The following BAZ1A variants were observed in gnomAD, a reference collection of about 807,000 sequenced individuals.
The protein encoded by BAZ1A is bromodomain adjacent to zinc finger domain protein 1A.
In BAZ1A, 50 loss-of-function variants were observed where a neutral mutation model predicts 185.2. The observed-to-expected ratio is 0.27, with a 90% CI of 0.22 to 0.34. BAZ1A has a LOEUF of 0.34. Among genes scored for constraint, BAZ1A ranks in the 10% least tolerant of loss-of-function variants. The pLI is 1.00. For synonymous variants in BAZ1A, 571 were observed against 615.6 expected, an observed-to-expected ratio of 0.93 and a Z score of 1.07; for missense variants, 1,356 against 1,839.9, an observed-to-expected ratio of 0.74 and a Z score of 4.81.
chr14:34,859,942 C>T (rs544940548), intron 3 of BAZ1A, among the ~76,000 whole-genome samples: 2 of 152,258 alleles, frequency 1.3e-5, no homozygotes, highest in South Asian at 4.1e-4. Flanking sequence ...CCCTATGGTA[C>T]TTATAATCTA....
At chr14:34,830,270 T>C (rs1007990292) in intron 3 of BAZ1A, among the ~76,000 whole-genome samples, 4 of 151,896 alleles carry the variant, frequency 2.6e-5, no homozygotes, top group Non-Finnish European at 5.9e-5. Context: ...TAAAATGTGG[T>C]ATATACCATG....
intron 11 of BAZ1A, 38 bp downstream of exon 11, chr14:34,794,711 T>C (rs758094551): frequency 6.4e-7 from 1 of 1,574,214 alleles, no homozygotes; most frequent in Non-Finnish European, 8.6e-7. Context: ...AATTTTAGGA[T>C]GAACTATAAT....
chr14:34,836,407 A>C (rs960534124), intron 3 of BAZ1A, among the ~76,000 whole-genome samples: 2 of 21,544 alleles, frequency 9.3e-5, no homozygotes, highest in African/African-American at 2.2e-4. Context: ...AAAAAAAAAA[A>C]AAAAAAAAAA....
At chr14:34,833,861 A>G (rs2042288851) in intron 3 of BAZ1A, among the ~76,000 whole-genome samples, 1 of 152,094 alleles carries the variant, frequency 6.6e-6, no homozygotes, top group Non-Finnish European at 1.5e-5. Context: ...AATAGTAAAA[A>G]TTTTATGTTT....
intron 5 of BAZ1A, 40 bp downstream of exon 5, chr14:34,810,895 T>C (rs2041919998): frequency 7.2e-7 from 1 of 1,391,748 alleles, no homozygotes; most frequent in African/African-American, 1.4e-5. Context: ...TACATAATTA[T>C]TCTACTTTAA....
intron 24 of BAZ1A, 34 bp from the exon 25 acceptor site, chr14:34,758,880 C>G (rs1283930716): frequency 1.1e-5 from 18 of 1,605,034 alleles, no homozygotes; most frequent in Non-Finnish European, 1.5e-5. Flanking sequence ...TAGGTGATAA[C>G]AAAGCAAAAT....
intron 3 of BAZ1A, among the ~76,000 whole-genome samples, chr14:34,836,173 A>T (rs2042327195): frequency 3.6e-5 from 1 of 27,696 alleles, no homozygotes; most frequent in African/African-American, 9.6e-5. Flanking sequence ...AGGTCAGGAG[A>T]TCGAGACCAT....
chr14:34,806,160 A>G (rs538989256), intron 6 of BAZ1A, among the ~76,000 whole-genome samples: 29 of 152,084 alleles, frequency 1.9e-4, no homozygotes, highest in South Asian at 8.3e-4. Context: ...TGAAATGTTA[A>G]CTTTTCGCAT....
chr14:34,848,063 T>C (rs1446416906), intron 3 of BAZ1A, among the ~76,000 whole-genome samples: 1 of 152,118 alleles, frequency 6.6e-6, no homozygotes, highest in Non-Finnish European at 1.5e-5. Flanking sequence ...GGTTTTGTCA[T>C]GTTGCTCAGG....
intron 3 of BAZ1A, among the ~76,000 whole-genome samples, chr14:34,860,430 C>G (rs1174784269): frequency 1.3e-5 from 2 of 148,832 alleles, no homozygotes. Context: ...ATGGCTTAAG[C>G]CTGGGAGGTA....
At chr14:34,788,024 T>G (rs1433164898) in intron 12 of BAZ1A, among the ~76,000 whole-genome samples, 1 of 141,760 alleles carries the variant, frequency 7.1e-6, no homozygotes, top group Non-Finnish European at 1.6e-5. Context: ...TTCATTTTTG[T>G]TTTTTTTTTT....
chr14:34,755,710 A>G (rs572369653), intron 25 of BAZ1A, among the ~76,000 whole-genome samples: 74 of 149,488 alleles, frequency 5.0e-4, no homozygotes, highest in African/African-American at 1.8e-3. Context: ...TATCTTTGCT[A>G]TATAAGAGAT....
At chr14:34,853,239 A>T (rs547374368) in intron 3 of BAZ1A, among the ~76,000 whole-genome samples, 1 of 152,216 alleles carries the variant, frequency 6.6e-6, no homozygotes, top group Admixed American at 6.5e-5. Context: ...AGCAGAGAAC[A>T]AATGTCAGTG....
chr14:34,834,074 A>G (rs1281487676), intron 3 of BAZ1A, among the ~76,000 whole-genome samples: 1 of 152,188 alleles, frequency 6.6e-6, no homozygotes, highest in African/African-American at 2.4e-5. Flanking sequence ...CTGTTAGGTA[A>G]TTATGTAGCC....
chr14:34,862,939 T>A (rs2042793320), intron 2 of BAZ1A, among the ~76,000 whole-genome samples: 1 of 151,542 alleles, frequency 6.6e-6, no homozygotes, highest in South Asian at 2.1e-4. Flanking sequence ...TCTGCTGGAA[T>A]TCCTTAATAC....
intron 2 of BAZ1A, among the ~76,000 whole-genome samples, chr14:34,864,624 ACGCG>A (rs1017006994): frequency 2.8e-5 from 4 of 143,536 alleles, no homozygotes; most frequent in African/African-American, 1.1e-4. Context: ...GGGATTACAG[ACGCG>A]CGCCACCACA....
Position 34,774,489 on chromosome 14 carries a change from G to A in BAZ1A, c.2835C>T (p.Asp945=). The change falls in exon 19 of 27, where the codon GAC becomes GAT. Residue 945 remains aspartate (D), a splice_region_variant and synonymous_variant. Transcript: ENST00000360310. ...TTGGTTTGCTATCAGGCTGAGGTTTGTCTGAAATAGTAATCAAATACTTTT... is the reference window on the plus strand; with the variant it reads ...TTGGTTTGCTATCAGGCTGAGGTTTATCTGAAATAGTAATCAAATACTTTT... ...RFSEEKFHFS[D]KPQPDSKPTY... 1 of 1,554,536 alleles carries A rather than the reference G, an allele frequency of 6.4e-7. No individual in the cohort carries two copies.
At chr14:34,804,198 G>C (rs1437627439) in intron 6 of BAZ1A, among the ~76,000 whole-genome samples, 5 of 152,146 alleles carry the variant, frequency 3.3e-5, no homozygotes, top group Admixed American at 6.6e-5. Flanking sequence ...AGTAGAGACA[G>C]GGTCTCACCA....
chr14:34,754,634 A>C (rs1482419393), intron 26 of BAZ1A, among the ~76,000 whole-genome samples, 193 bp downstream of exon 26: 1 of 152,178 alleles, frequency 6.6e-6, no homozygotes, highest in Non-Finnish European at 1.5e-5. Flanking sequence ...ATCCTAATCC[A>C]TCTTTCATCC....
Sources: allele counts gnomAD v4.1 joint callset (sites outside exome capture counted in the v4.1 genomes callset), GRCh38; gene constraint gnomAD v4.1.1; transcripts MANE v1.5; gene names NCBI Gene and HGNC (gene_info 2026-07-23, HGNC 2026-07-21).